Variants in KAT6B observed in about 807,000 individuals in gnomAD.
KAT6B encodes lysine acetyltransferase 6B, also known as histone acetyltransferase KAT6B.
A neutral mutation model predicts 187.5 loss-of-function variants in KAT6B; 10 were observed. That is an observed-to-expected ratio of 0.05 (90% CI 0.03 to 0.09). The LOEUF is 0.09. KAT6B is among the 10% of genes least tolerant of loss of function. KAT6B has a pLI of 1.00. For synonymous variants in KAT6B, 861 were observed against 926.8 expected, an observed-to-expected ratio of 0.93 and a Z score of 1.29; for missense variants, 1,952 against 2,558.9, an observed-to-expected ratio of 0.76 and a Z score of 5.12.
At position 74,843,317 on chromosome 10, in the gene KAT6B, C is replaced by G. The variant is rs562996276; in HGVS notation, c.460C>G (p.Leu154Val). The G allele has an allele frequency of 2.5e-6, 4 of 1,613,510 alleles. No individual in the cohort carries two copies. The highest frequency in any genetic ancestry group is 3.4e-6 in the Non-Finnish European group (4 of 1,179,804). ...NNPAFQQRLRLGAKRAVNNGR... is the reference protein window; with the variant it reads ...NNPAFQQRLRVGAKRAVNNGR... ...CCCAGCCTTTCAGCAGCGGCTGCGACTGGGGGCCAAACGCGCTGTGAATAA... is the reference window on the plus strand; with the variant it reads ...CCCAGCCTTTCAGCAGCGGCTGCGAGTGGGGGCCAAACGCGCTGTGAATAA... Residue 154 changes from leucine (L) to valine (V), a missense_variant, in exon 3 of 18, where the codon CTG becomes GTG. Physicochemically the swap from Leu to Val is conservative, Grantham distance 32. Around this residue, in one of 9 missense-constraint regions of KAT6B, gnomAD observed 218 missense variants for 282.6 expected, o/e 0.77. Transcript: ENST00000287239.
intron 3 of KAT6B, among the ~76,000 whole-genome samples, chr10:74,944,122 A>T (rs1849914716): frequency 6.6e-6 from 1 of 152,224 alleles, no homozygotes; most frequent in African/African-American, 2.4e-5. Context: ...TTGAGCAGTG[A>T]TGCGGCCCAG....
Position 75,028,601 on chromosome 10 carries a change from G to T in KAT6B, c.3777G>T (p.Trp1259Cys). Residue 1259 changes from tryptophan to cysteine, a missense_variant, in exon 18 of 18, where the codon TGG becomes TGT. Transcript: ENST00000287239. ...GAACAAAGCGCGGTCTATCTAAGTG[G>T]AGGCAAAACAAAGAGAGGAAGACCG... ...PKGTKRGLSK[W>C]RQNKERKTGF... The T allele has an allele frequency of 6.2e-7, 1 of 1,614,202 alleles. No homozygotes were observed. Among genetic ancestry groups the T allele is most frequent in the Non-Finnish European group, 8.5e-7 (1 of 1,180,052 alleles).
intron 3 of KAT6B, among the ~76,000 whole-genome samples, chr10:74,922,657 T>G (rs935792097): frequency 4.6e-5 from 7 of 152,222 alleles, no homozygotes; most frequent in Non-Finnish European, 8.8e-5. Context: ...ATGATCTGAT[T>G]CTAATGTGAC....
At chr10:74,964,185 A>G (rs762366582) in intron 4 of KAT6B, among the ~76,000 whole-genome samples, 2 of 152,146 alleles carry the variant, frequency 1.3e-5, no homozygotes, top group Non-Finnish European at 2.9e-5. Context: ...GGGGGAAAGA[A>G]GGTGAGCCCC....
chr10:74,834,816 G>A (rs891118314), intron 1 of KAT6B, among the ~76,000 whole-genome samples: 5 of 152,194 alleles, frequency 3.3e-5, no homozygotes, highest in African/African-American at 1.2e-4. Context: ...CATTGTGCCT[G>A]GCCCAACTTA....
intron 8 of KAT6B, chr10:74,977,001 A>G (rs1842204095): frequency 6.2e-6 from 2 of 322,536 alleles, no homozygotes; most frequent in Non-Finnish European, 1.2e-5. Context: ...TGGGAATGCT[A>G]TAACTAGACA....
chr10:74,977,870 A>T (rs764957278), intron 9 of KAT6B, among the ~76,000 whole-genome samples: 8 of 152,252 alleles, frequency 5.3e-5, no homozygotes, highest in Non-Finnish European at 1.0e-4. Flanking sequence ...GCTCTTCTGC[A>T]TTGATGAAAA....
At chr10:74,962,865 TA>T (rs59621480) in intron 4 of KAT6B, among the ~76,000 whole-genome samples, 65 of 148,652 alleles carry the variant, frequency 4.4e-4, no homozygotes, top group African/African-American at 1.1e-3. Flanking sequence ...AAAAATTCTT[TA>T]AAAAAAAAAA....
chr10:74,825,871 G>C (rs550954619), upstream of KAT6B, among the ~76,000 whole-genome samples: 649 of 151,822 alleles, frequency 4.3e-3, 7 homozygotes, highest in African/African-American at 0.014. The surrounding 1 kb of genome is among the most constrained non-coding windows in gnomAD (Gnocchi z 5.0). Context: ...GGTGTGTTGG[G>C]GGGGGAAGGA....
chr10:74,940,464 T>TG (rs1207755221), intron 3 of KAT6B, among the ~76,000 whole-genome samples: 1 of 151,792 alleles, frequency 6.6e-6, no homozygotes, highest in African/African-American at 2.4e-5. Context: ...TTAGTAGAGA[T>TG]GGGGTTTCAC....
intron 3 of KAT6B, among the ~76,000 whole-genome samples, chr10:74,853,899 G>C (rs1168757161): frequency 6.6e-6 from 1 of 152,172 alleles, no homozygotes; most frequent in African/African-American, 2.4e-5. Flanking sequence ...AAAGTGCTGG[G>C]ATTAGAGGCA....
At chr10:74,841,098 C>T (rs1841713473) in intron 2 of KAT6B, among the ~76,000 whole-genome samples, 1 of 152,092 alleles carries the variant, frequency 6.6e-6, no homozygotes, top group Admixed American at 6.5e-5. Context: ...CTCAGTAGTC[C>T]TGTAAGGGAT....
At chr10:74,847,564 T>A (rs1842193322) in intron 3 of KAT6B, among the ~76,000 whole-genome samples, 1 of 151,958 alleles carries the variant, frequency 6.6e-6, no homozygotes, top group Non-Finnish European at 1.5e-5. Flanking sequence ...CTGGGGAGGC[T>A]GAGGCAGGAG....
chr10:74,882,608 T>A (rs1213055815), intron 3 of KAT6B, among the ~76,000 whole-genome samples: 2 of 152,238 alleles, frequency 1.3e-5, no homozygotes, highest in Non-Finnish European at 2.9e-5. Context: ...CCAGACCTAT[T>A]TCCTAATAAT....
intron 3 of KAT6B, among the ~76,000 whole-genome samples, chr10:74,912,576 T>G (rs1390426708): frequency 6.6e-6 from 1 of 152,174 alleles, no homozygotes; most frequent in Non-Finnish European, 1.5e-5. Flanking sequence ...GAAAGCTTAT[T>G]TATTATGTGA....
rs549760857 is a variant in KAT6B at position 75,002,407 on chromosome 10, A to G, written c.2629+13295A>G. ...AAAAAAAACAACAACAAACTAGGCT[A>G]AGCAAGTGCAGAGTCATTTATAAAC... On this transcript the variant is annotated intron_variant, in intron 13 of 17. Coordinates refer to ENST00000287239, the MANE Select transcript of KAT6B (RefSeq NM_012330.4). Among the ~76,000 whole-genome samples, 17 of 151,958 alleles carry G rather than the reference A, an allele frequency of 1.1e-4. No individual in the cohort carries two copies. In the East Asian group the frequency reaches 2.9e-3, roughly 26 times the overall value.
intron 17 of KAT6B, chr10:75,025,465 T>G: frequency 1.9e-6 from 1 of 524,604 alleles, no homozygotes. Flanking sequence ...GGCCAGAACA[T>G]TCCTCTAGGT....
chr10:74,853,347 C>T (rs571031866), intron 3 of KAT6B, among the ~76,000 whole-genome samples: 1 of 149,842 alleles, frequency 6.7e-6, no homozygotes. Flanking sequence ...GGAGTGCAGC[C>T]GTGTAATCAT....
chr10:74,975,335 T>G (rs1045513236), intron 7 of KAT6B, 64 bp from the exon 8 acceptor site: 4 of 1,437,414 alleles, frequency 2.8e-6, no homozygotes, highest in Non-Finnish European at 3.9e-6. Flanking sequence ...AATAAATTTG[T>G]TTTTAGATAC....
Sources: allele counts gnomAD v4.1 joint callset (sites outside exome capture counted in the v4.1 genomes callset), GRCh38; gene constraint gnomAD v4.1.1; regional missense constraint gnomAD v4.1.1; non-coding constraint Gnocchi (gnomAD v3.1); transcripts MANE v1.5; gene names NCBI Gene and HGNC (gene_info 2026-07-23, HGNC 2026-07-21).